ABCG8: variants seen among roughly 807,000 people sequenced by gnomAD.
The protein encoded by ABCG8 is ATP-binding cassette sub-family G member 8.
Under a neutral mutation model 71.3 loss-of-function variants are expected in ABCG8, and 81 were observed. The observed-to-expected ratio is 1.14, with a 90% CI of 0.95 to 1.37. ABCG8 has a LOEUF of 1.37. ABCG8 is among the 40% of genes most tolerant of loss of function. The pLI is 0.00. For missense variants in ABCG8, 1,119 were observed against 866.2 expected, an observed-to-expected ratio of 1.29 and a Z score of -3.66; for synonymous variants, 451 against 354.7, an observed-to-expected ratio of 1.27 and a Z score of -3.05.
At chr2:43,870,353 C>T (rs908865881) in intron 6 of ABCG8, among the ~76,000 whole-genome samples, 2 of 152,132 alleles carry the variant, frequency 1.3e-5, no homozygotes, top group African/African-American at 4.8e-5. Flanking sequence ...AAAGAATTCA[C>T]TCTCTGGATA....
At chr2:43,857,043 C>G (rs1406510092) in intron 6 of ABCG8, among the ~76,000 whole-genome samples, 1 of 151,798 alleles carries the variant, frequency 6.6e-6, no homozygotes, top group East Asian at 1.9e-4. Flanking sequence ...GGATATAACT[C>G]TCACTAACTG....
In ABCG8 at chr2:43,874,876, T is replaced by G. The variant is rs1335215450; in HGVS notation, c.1489-270T>G. 3.3e-5 allele frequency among the ~76,000 whole-genome samples: 5 copies of G among 151,438 alleles called. No homozygotes were observed. In the South Asian group the frequency reaches 1.0e-3, roughly 32 times the overall value. The stretch of plus-strand genomic sequence containing the variant: ...AGCTACTTGATCTGGTCAGGGGGAG[T>G]AGGGACTTGAAACCAGGTCTTAGGA... On this transcript the variant is annotated intron_variant, in intron 10 of 12. Transcript: ENST00000272286.
chr2:43,845,100 A>G (rs1026205656), intron 2 of ABCG8, among the ~76,000 whole-genome samples: 218 of 94,700 alleles, frequency 2.3e-3, no homozygotes, highest in African/African-American at 3.7e-3. Context: ...GTGTGTGTGT[A>G]TATATATATA....
chr2:43,847,313 A>G (rs1668774740), intron 3 of ABCG8: 2 of 152,162 alleles, frequency 1.3e-5, no homozygotes, highest in African/African-American at 2.4e-5. Flanking sequence ...AGATCAAATG[A>G]AATCTTATGT....
At chr2:43,850,303 A>T (rs1422617411) in intron 3 of ABCG8, among the ~76,000 whole-genome samples, 1 of 152,164 alleles carries the variant, frequency 6.6e-6, no homozygotes, top group Non-Finnish European at 1.5e-5. Context: ...CCTGAGCCCA[A>T]TCCGCATTCA....
Position 43,846,260 on chromosome 2 carries a change from C to G in ABCG8, c.271C>G (p.Leu91Val). 1 of 1,614,176 alleles carries G rather than the reference C, an allele frequency of 6.2e-7. No homozygotes were observed. The highest frequency in any genetic ancestry group is 1.1e-5 in the South Asian group (1 of 91,084). Residue 91 changes from leucine to valine, a missense_variant, in exon 3 of 13, where the codon CTA becomes GTA. By Grantham distance (32) the Leu-to-Val change is conservative. Coordinates refer to ENST00000272286, the MANE Select transcript of ABCG8 (RefSeq NM_022437.3). ...TTCTTGTGAGCTGGGCATCCAGAACCTAAGCTTCAAAGTGAGAAGTGGGCA... is the reference window on the plus strand; with the variant it reads ...TTCTTGTGAGCTGGGCATCCAGAACGTAAGCTTCAAAGTGAGAAGTGGGCA... ...QNSCELGIQN[L>V]SFKVRSGQML...
Position 43,852,460 on chromosome 2 carries a change from T to C in ABCG8, c.668T>C (p.Ile223Thr), listed in dbSNP as rs767670215. ...LSGGERRRVSIGVQLLWNPGI... is the reference protein window; with the variant it reads ...LSGGERRRVSTGVQLLWNPGI... Reference sequence around the variant, plus strand: ...GGGGGTGAGCGCAGGAGAGTCAGCATTGGGGTGCAGCTCCTGTGGAACCCA... The same window carrying C: ...GGGGGTGAGCGCAGGAGAGTCAGCACTGGGGTGCAGCTCCTGTGGAACCCA... Residue 223 changes from isoleucine to threonine, a missense_variant, in exon 5 of 13, where the codon ATT (isoleucine) becomes ACT (threonine). Ile to Thr is a moderately conservative substitution (Grantham distance 89, BLOSUM62 -1). Coordinates refer to ENST00000272286, the MANE Select transcript of ABCG8 (RefSeq NM_022437.3). 1 of 1,613,226 alleles carries C rather than the reference T, an allele frequency of 6.2e-7. No individual in the cohort carries two copies. Among genetic ancestry groups the C allele is most frequent in the Non-Finnish European group, 8.5e-7 (1 of 1,179,934 alleles).
At chr2:43,867,347 TAAA>T (rs35927760) in intron 6 of ABCG8, among the ~76,000 whole-genome samples, 1 of 147,890 alleles carries the variant, frequency 6.8e-6, no homozygotes, top group African/African-American at 2.5e-5. Flanking sequence ...AAAGTATAAT[TAAA>T]AAAAAAAAAG....
rs1408151115 is a variant in ABCG8, at chr2:43,844,459, T to A, written c.64-48T>A. On this transcript the variant is annotated intron_variant, in intron 1 of 12. Transcript: ENST00000272286. ...GGTTTCCTTCTTGTCTTCTCCTATG[T>A]TCTCAGCAGCTTCTAAAGGAGCCCC... 5.4e-6 allele frequency: 8 copies of A among 1,483,362 alleles called. No homozygotes were observed. The East Asian group carries it at 6.8e-5, about 13-fold the overall frequency. The allele number at this position is 1,483,362 out of a possible 1,614,324, so 91.9% of individuals were successfully genotyped here. A position where few individuals can be genotyped will look rare whatever the true frequency, so the allele number is the denominator to read the frequency against.
chr2:43,874,309 G>A lies in ABCG8; in HGVS notation c.1412-98G>A, dbSNP rs1669883137. 1.0e-5 allele frequency: 11 copies of A among 1,084,136 alleles called. No homozygotes were observed. The South Asian group carries it at 1.4e-4, about 14-fold the overall frequency. The allele number at this position is 1,084,136 out of a possible 1,614,324, so 67.2% of individuals were successfully genotyped here. On this transcript the variant is annotated intron_variant, in intron 9 of 12. Transcript: ENST00000272286. ...AAAAAATTAGAGACTTGGGCAATAT[G>A]ATAACTACTTTGAATTGTATTAAGA...
In ABCG8 at chr2:43,839,403, C is replaced by CTTTT. The variant is rs537784677; in HGVS notation, c.63+325_63+328dup. 2.6e-3 allele frequency among the ~76,000 whole-genome samples: 154 copies of CTTTT among 59,302 alleles called. 31 individuals are homozygous for CTTTT. Among genetic ancestry groups the CTTTT allele is most frequent in the Non-Finnish European group, 4.3e-3 (134 of 31,218 alleles). 38.9% of individuals were successfully genotyped at this position (59,302 alleles called of 152,430 possible). A position where few individuals can be genotyped will look rare whatever the true frequency, so the allele number is the denominator to read the frequency against. On this transcript the variant is annotated intron_variant, in intron 1 of 12. Coordinates refer to ENST00000272286, the MANE Select transcript of ABCG8 (RefSeq NM_022437.3). ...CACTTTTTCTTTTTTCTTTTCTTCT[C>CTTTT]TTTTTTTTTTTTTTTTTTTTTTTTT...
intron 6 of ABCG8, among the ~76,000 whole-genome samples, chr2:43,868,582 A>ATCTGGATAGAATAATCATCG (rs2104940991): frequency 6.6e-6 from 1 of 151,970 alleles, no homozygotes; most frequent in Non-Finnish European, 1.5e-5. Flanking sequence ...AACTCTCACT[A>ATCTGGATAGAATAATCATCG]TCTGGATAGA....
chr2:43,849,021 T>TAAC (rs1668830705), intron 3 of ABCG8, among the ~76,000 whole-genome samples: 1 of 54,710 alleles, frequency 1.8e-5, no homozygotes, highest in Non-Finnish European at 3.5e-5. Context: ...AAACACTGTC[T>TAAC]AAAAAAAAAA....
At chr2:43,853,499 G>A (rs79912906) in intron 6 of ABCG8, among the ~76,000 whole-genome samples, 8,212 of 152,268 alleles carry the variant, frequency 0.054, 272 homozygotes, top group Middle Eastern at 0.11. Flanking sequence ...CTGGACAGGC[G>A]TCATGGTTGT....
chr2:43,850,370 C>A (rs1048945170), intron 3 of ABCG8, among the ~76,000 whole-genome samples: 16 of 152,168 alleles, frequency 1.1e-4, no homozygotes, highest in African/African-American at 3.9e-4. Context: ...AAACTGGATC[C>A]AATCTGATGC....
At chr2:43,853,513 A>T (rs1021012122) in intron 6 of ABCG8, among the ~76,000 whole-genome samples, 6 of 152,156 alleles carry the variant, frequency 3.9e-5, no homozygotes, top group Non-Finnish European at 7.3e-5. Flanking sequence ...TGGTTGTACC[A>T]GGTCCCAGGG....
At position 43,846,217 on chromosome 2, in the gene ABCG8, A is replaced by T; in HGVS notation, c.228A>T (p.Thr76=). ...EQLAQFKMPW[T]SPSCQNSCEL... ...TGGCTCAGTTCAAGATGCCCTGGACATCTCCCAGCTGCCAGAATTCTTGTG... is the reference window on the plus strand; with the variant it reads ...TGGCTCAGTTCAAGATGCCCTGGACTTCTCCCAGCTGCCAGAATTCTTGTG... The change falls in exon 3 of 13, where the codon ACA becomes ACT. Residue 76 remains threonine, a synonymous_variant. Transcript: ENST00000272286. The T allele has an allele frequency of 6.2e-7, 1 of 1,614,178 alleles. No homozygotes were observed. The highest frequency in any genetic ancestry group is 8.5e-7 in the Non-Finnish European group (1 of 1,180,022).
At chr2:43,849,676 T>G (rs950322317) in intron 3 of ABCG8, among the ~76,000 whole-genome samples, 7 of 152,104 alleles carry the variant, frequency 4.6e-5, no homozygotes, top group Non-Finnish European at 4.4e-5. Flanking sequence ...GCTTTCTGAG[T>G]GGGAATCCGT....
At chr2:43,843,048 A>T (rs761492203) in intron 1 of ABCG8, among the ~76,000 whole-genome samples, 5 of 152,206 alleles carry the variant, frequency 3.3e-5, no homozygotes, top group Non-Finnish European at 7.3e-5. Flanking sequence ...GGCATAAGTC[A>T]TGTTAGTTTC....
Sources: gnomAD v4.1 joint callset for allele counts (sites outside exome capture counted in the v4.1 genomes callset) on GRCh38, gnomAD v4.1.1 for gene constraint, MANE v1.5 for transcripts, NCBI Gene and HGNC (gene_info 2026-07-23, HGNC 2026-07-21) for gene names.